ATP2C2: variants seen among roughly 807,000 people sequenced by gnomAD.
The protein encoded by ATP2C2 is ATPase secretory pathway Ca2+ transporting 2, also known as calcium-transporting ATPase type 2C member 2.
Under a neutral mutation model 110.8 loss-of-function variants are expected in ATP2C2, and 171 were observed. That is an observed-to-expected ratio of 1.54 (90% CI 1.36 to 1.75). The LOEUF is 1.75. Ranked by LOEUF, ATP2C2 falls within the 40% of genes most tolerant of loss-of-function variation. The pLI is 0.00. For missense variants in ATP2C2, 1,963 were observed against 1,235.0 expected (o/e 1.59, Z -8.84); for synonymous variants, 804 against 508.4 (o/e 1.58, Z -7.82).
chr16:84,370,606 C>G (rs1032252917), intron 1 of ATP2C2, among the ~76,000 whole-genome samples: 3 of 151,908 alleles, frequency 2.0e-5, no homozygotes, highest in African/African-American at 4.8e-5. Flanking sequence ...GTTGGAACTC[C>G]TTTCTCCCAG....
At chr16:84,452,148 G>T (rs1487417133) in intron 18 of ATP2C2, 57 bp downstream of exon 18, 11 of 1,595,808 alleles carry the variant, frequency 6.9e-6, no homozygotes, top group South Asian at 2.2e-5. Context: ...CTTTACGATG[G>T]GGGGCTGCTA....
intron 1 of ATP2C2, among the ~76,000 whole-genome samples, chr16:84,377,242 A>C (rs563130833): frequency 6.6e-6 from 1 of 152,304 alleles, no homozygotes; most frequent in South Asian, 2.1e-4. Context: ...TCATGTGCTA[A>C]GTCTTAGCAA....
At chr16:84,387,819 G>C (rs1017485194) in intron 1 of ATP2C2, among the ~76,000 whole-genome samples, 52 of 152,160 alleles carry the variant, frequency 3.4e-4, no homozygotes, top group Non-Finnish European at 5.0e-4. Context: ...GGGTGTGGTG[G>C]CTGATGCCTG....
At chr16:84,369,970 C>T (rs1296223947) in intron 1 of ATP2C2, among the ~76,000 whole-genome samples, 1 of 152,216 alleles carries the variant, frequency 6.6e-6, no homozygotes, top group African/African-American at 2.4e-5. Flanking sequence ...GCGATACATT[C>T]TGCTAAAGGA....
intron 1 of ATP2C2, among the ~76,000 whole-genome samples, chr16:84,390,653 G>A (rs1384003704): frequency 1.3e-5 from 2 of 152,120 alleles, no homozygotes; most frequent in African/African-American, 4.8e-5. Flanking sequence ...TGCTTCCTGG[G>A]CACAGGATTT....
In ATP2C2 at chr16:84,438,084, TCTG is replaced by T. The variant is rs377320947; in HGVS notation, c.987-1078_987-1076del. ...GTTCCTTTCTTTGGCTAAAGTGTAT[TCTG>T]CTGTATAGATAGACCACATTTGGCT... is the stretch of plus-strand genomic sequence containing the variant. On this transcript the variant is annotated intron_variant, in intron 11 of 26. Transcript: ENST00000262429. 3.0e-4 allele frequency among the ~76,000 whole-genome samples: 45 copies of T among 152,372 alleles called. No individual in the cohort carries two copies. The South Asian group carries it at 8.1e-3, about 27-fold the overall frequency.
intron 6 of ATP2C2, among the ~76,000 whole-genome samples, chr16:84,415,189 G>A (rs1324150817): frequency 1.3e-5 from 2 of 152,130 alleles, no homozygotes; most frequent in Non-Finnish European, 2.9e-5. Context: ...CTTTAGAACT[G>A]CTGACCTTGG....
At position 84,453,359 on chromosome 16, in the gene ATP2C2, C is replaced by A. The variant is rs760434833; in HGVS notation, c.1968C>A (p.Leu656=). 11 of 1,614,054 alleles carry A rather than the reference C, an allele frequency of 6.8e-6. No homozygotes were observed. Among genetic ancestry groups the A allele is most frequent in the Non-Finnish European group, 9.3e-6 (11 of 1,180,034 alleles). Reference sequence around the variant, plus strand: ...TCAGGACCAGCCCAAAGCACAAGCTCAAAATCATCAAGGTTCGCTGGGCAA... The same window carrying A: ...TCAGGACCAGCCCAAAGCACAAGCTAAAAATCATCAAGGTTCGCTGGGCAA... The part of the protein sequence containing the change: ...VFFRTSPKHK[L]KIIKALQESG... Residue 656 remains leucine, a synonymous_variant, in exon 20 of 27, where the codon CTC becomes CTA. Coordinates refer to ENST00000262429, the MANE Select transcript of ATP2C2 (RefSeq NM_014861.4).
At chr16:84,455,454 G>A (rs1034929159) in intron 21 of ATP2C2, among the ~76,000 whole-genome samples, 35 of 152,294 alleles carry the variant, frequency 2.3e-4, no homozygotes, top group African/African-American at 7.5e-4. Flanking sequence ...AGAGACCTGG[G>A]CAGAAACACC....
In ATP2C2 at chr16:84,415,572, C is replaced by A; in HGVS notation, c.605C>A (p.Ala202Glu). The stretch of plus-strand genomic sequence containing the variant: ...CTCTCGATCGGAGACCGGATCCCTG[C>A]AGACATCCGACTCACTGAGGTGAGT... ...VSLSIGDRIPADIRLTEVTDL... is the reference protein window; with the variant it reads ...VSLSIGDRIPEDIRLTEVTDL... Residue 202 changes from alanine to glutamate, a missense_variant, in exon 7 of 27, where the codon GCA becomes GAA. Coordinates refer to ENST00000262429, the MANE Select transcript of ATP2C2 (RefSeq NM_014861.4). The A allele has an allele frequency of 6.2e-7, 1 of 1,613,868 alleles. No homozygotes were observed. The highest frequency in any genetic ancestry group is 1.3e-5 in the African/African-American group (1 of 75,038).
rs114317814 is a variant in ATP2C2, at chr16:84,417,840, T to G, written c.624+2249T>G. Among the ~76,000 whole-genome samples, 398 of 152,350 alleles carry G rather than the reference T, an allele frequency of 2.6e-3. 2 individuals carry two copies. Among genetic ancestry groups the G allele is most frequent in the African/African-American group, 9.0e-3 (373 of 41,568 alleles). On this transcript the variant is annotated intron_variant, in intron 7 of 26. Transcript: ENST00000262429. ...TTCTGCAATTCCATTAAACAATCAA[T>G]AGCTTTGCCTATTCAGTGGAAAATG...
At position 84,452,003 on chromosome 16, in the gene ATP2C2, C is replaced by T. The variant is rs766196030; in HGVS notation, c.1743C>T (p.Gly581=). 8.1e-6 allele frequency: 13 copies of T among 1,612,700 alleles called. No individual in the cohort carries two copies. The highest frequency in any genetic ancestry group is 2.2e-5 in the East Asian group (1 of 44,824). The change falls in exon 18 of 27, where the codon GGC becomes GGT. Residue 581 remains glycine, a synonymous_variant. Coordinates refer to ENST00000262429, the MANE Select transcript of ATP2C2 (RefSeq NM_014861.4). ...GCATCATTGACCCCCCGAGAGTTGG[C>T]GTGAAGGAAGCAGTCCAGGTTCTCT... is the stretch of plus-strand genomic sequence containing the variant. The part of the protein sequence containing the change: ...LVGIIDPPRV[G]VKEAVQVLSE...
At chr16:84,463,538 G>C in intron 26 of ATP2C2, 76 bp from the exon 27 acceptor site, 1 of 1,241,864 alleles carries the variant, frequency 8.1e-7, no homozygotes. Flanking sequence ...CAGGAGGACT[G>C]GCAGGGAAGG....
intron 13 of ATP2C2, among the ~76,000 whole-genome samples, chr16:84,440,288 C>T (rs965461731): frequency 3.9e-5 from 6 of 152,228 alleles, no homozygotes; most frequent in Admixed American, 6.5e-5. Flanking sequence ...GTGTCCTCTG[C>T]GTGCTTGGCG....
At chr16:84,438,968 G>C in intron 11 of ATP2C2, 198 bp from the exon 12 acceptor site, 1 of 627,112 alleles carries the variant, frequency 1.6e-6, no homozygotes, top group Non-Finnish European at 2.6e-6. Flanking sequence ...CCAAGAGCGG[G>C]GTCTGCAGGG....
chr16:84,389,972 C>G (rs970955575), intron 1 of ATP2C2, among the ~76,000 whole-genome samples: 1 of 152,238 alleles, frequency 6.6e-6, no homozygotes, highest in Non-Finnish European at 1.5e-5. Flanking sequence ...ATCCACCCAC[C>G]TCAGTCTCCC....
At chr16:84,392,979 C>A (rs1166573476) in intron 1 of ATP2C2, among the ~76,000 whole-genome samples, 1 of 152,184 alleles carries the variant, frequency 6.6e-6, no homozygotes, top group Admixed American at 6.5e-5. Context: ...CATGGCTGAT[C>A]AACCTTCCTC....
chr16:84,396,957 T>C (rs955562027), intron 1 of ATP2C2, among the ~76,000 whole-genome samples: 17 of 151,632 alleles, frequency 1.1e-4, no homozygotes, highest in Admixed American at 8.5e-4. Flanking sequence ...TGGTTTGGGG[T>C]TGGGGAGGGC....
At chr16:84,461,876 A>G (rs1597892475) in intron 25 of ATP2C2, 64 bp downstream of exon 25, 1 of 1,608,000 alleles carries the variant, frequency 6.2e-7, no homozygotes, top group Admixed American at 1.7e-5. Context: ...CAGCGCCCCG[A>G]CCCTGCCCGC....
Sources: allele counts gnomAD v4.1 joint callset (sites outside exome capture counted in the v4.1 genomes callset), GRCh38; gene constraint gnomAD v4.1.1; transcripts MANE v1.5; gene names NCBI Gene and HGNC (gene_info 2026-07-23, HGNC 2026-07-21).